The following NBEA variants were observed in gnomAD, a reference collection of about 807,000 sequenced individuals.
NBEA encodes the protein neurobeachin, also known as lysosomal-trafficking regulator 2.
In NBEA, 44 loss-of-function variants were observed where a neutral mutation model predicts 343.4. The ratio of observed to expected loss-of-function variants is 0.13; its 90% CI spans 0.10 to 0.16. The LOEUF is 0.16. NBEA is among the 10% of genes least tolerant of loss of function. The pLI is 1.00. For missense variants in NBEA, 2,555 were observed against 3,631.3 expected (o/e 0.70, Z 7.62); for synonymous variants, 1,175 against 1,238.7 (o/e 0.95, Z 1.08).
chr13:35,526,233 C>G (rs1453631864), intron 41 of NBEA, among the ~76,000 whole-genome samples: 1 of 152,158 alleles, frequency 6.6e-6, no homozygotes, highest in Non-Finnish European at 1.5e-5. Flanking sequence ...AATTATTTTG[C>G]TATGAAACGG....
intron 46 of NBEA, among the ~76,000 whole-genome samples, chr13:35,587,665 C>T (rs961772200): frequency 6.6e-6 from 1 of 152,200 alleles, no homozygotes; most frequent in South Asian, 2.1e-4. Flanking sequence ...GCCAGATTTA[C>T]AAGACTTCTT....
chr13:35,531,876 C>T (rs1594898128), intron 41 of NBEA, among the ~76,000 whole-genome samples: 1 of 152,206 alleles, frequency 6.6e-6, no homozygotes, highest in East Asian at 1.9e-4. Context: ...TGGAACATCT[C>T]ACTTCTTTTT....
intron 38 of NBEA, among the ~76,000 whole-genome samples, chr13:35,361,433 A>G (rs1234346150): frequency 1.3e-5 from 2 of 152,130 alleles, no homozygotes; most frequent in Admixed American, 6.6e-5. Flanking sequence ...AAGGCAATGT[A>G]GTGGAGAAAT....
chr13:34,999,678 CA>C (rs1313494546), intron 1 of NBEA, among the ~76,000 whole-genome samples: 2 of 151,868 alleles, frequency 1.3e-5, no homozygotes, highest in African/African-American at 4.8e-5. Context: ...TTTTTTGACT[CA>C]GCCTTATGGG....
intron 46 of NBEA, among the ~76,000 whole-genome samples, chr13:35,586,057 TAATC>T (rs1448440646): frequency 3.9e-5 from 6 of 152,204 alleles, no homozygotes; most frequent in East Asian, 1.9e-4. Flanking sequence ...TTAAATCTCT[TAATC>T]AATAATTTTT....
At chr13:35,394,642 T>A (rs1594467664) in intron 38 of NBEA, among the ~76,000 whole-genome samples, 1 of 152,234 alleles carries the variant, frequency 6.6e-6, no homozygotes, top group East Asian at 1.9e-4. Flanking sequence ...AACATATGCA[T>A]ATATACAAAC....
intron 33 of NBEA, among the ~76,000 whole-genome samples, chr13:35,213,459 A>T (rs973596331): frequency 1.1e-4 from 16 of 152,082 alleles, no homozygotes; most frequent in African/African-American, 3.9e-4. Flanking sequence ...ATTTAGAATT[A>T]GTTTGTCAGT....
intron 40 of NBEA, among the ~76,000 whole-genome samples, chr13:35,467,439 T>C (rs1273845653): frequency 6.6e-6 from 1 of 151,278 alleles, no homozygotes; most frequent in East Asian, 1.9e-4. Flanking sequence ...GCCACTGCAC[T>C]CCAGCCTGGG....
At chr13:35,359,330 A>G (rs951884341) in intron 38 of NBEA, among the ~76,000 whole-genome samples, 3 of 152,130 alleles carry the variant, frequency 2.0e-5, no homozygotes, top group African/African-American at 7.2e-5. Flanking sequence ...CTGTATTGAA[A>G]TTAACTGTGA....
At chr13:35,228,133 T>G (rs1182899525) in intron 33 of NBEA, among the ~76,000 whole-genome samples, 2 of 152,090 alleles carry the variant, frequency 1.3e-5, no homozygotes, top group East Asian at 3.9e-4. Context: ...GAATTAAGTG[T>G]GAATGAGACT....
intron 17 of NBEA, among the ~76,000 whole-genome samples, chr13:35,135,919 C>T (rs186573233): frequency 6.6e-6 from 1 of 151,748 alleles, no homozygotes; most frequent in South Asian, 2.1e-4. Context: ...CCCCCTCCCC[C>T]CTCAAAAAAA....
At chr13:35,144,191 T>C (rs1469634844) in intron 18 of NBEA, among the ~76,000 whole-genome samples, 1 of 152,118 alleles carries the variant, frequency 6.6e-6, no homozygotes, top group Non-Finnish European at 1.5e-5. Context: ...GGAGTGTGGG[T>C]ATACTTAAGA....
At chr13:35,085,928 A>G (rs1366100272) in intron 10 of NBEA, among the ~76,000 whole-genome samples, 1 of 152,142 alleles carries the variant, frequency 6.6e-6, no homozygotes, top group East Asian at 1.9e-4. Context: ...AAGCATTCTT[A>G]TACACCAATA....
rs539856655 is a variant in NBEA, at chr13:35,200,344, T to C, written c.5366+4042T>C. 1.2e-4 allele frequency among the ~76,000 whole-genome samples: 18 copies of C among 151,800 alleles called. No homozygotes were observed. The East Asian group carries it at 3.5e-3, about 29-fold the overall frequency. On this transcript the variant is annotated intron_variant, in intron 31 of 58. Transcript: ENST00000379939. ...CTTTTAAACTAAAAATTTAATCTTA[T>C]ATATCTGCATGCTTTTTATCTTTTG...
At chr13:35,570,378 T>C (rs1269590167) in intron 45 of NBEA, among the ~76,000 whole-genome samples, 1 of 152,220 alleles carries the variant, frequency 6.6e-6, no homozygotes, top group Non-Finnish European at 1.5e-5. Context: ...GTATTTCCTT[T>C]GGCAGAGCTT....
At chr13:35,405,937 TTTAAA>T (rs2043245758) in intron 38 of NBEA, among the ~76,000 whole-genome samples, 1 of 152,136 alleles carries the variant, frequency 6.6e-6, no homozygotes, top group Non-Finnish European at 1.5e-5. Flanking sequence ...CTAAGATTGC[TTTAAA>T]TTGAGAGTCT....
chr13:35,003,127 A>G (rs966520320), intron 1 of NBEA, among the ~76,000 whole-genome samples: 1 of 152,188 alleles, frequency 6.6e-6, no homozygotes. Context: ...AACAGAAAAC[A>G]TAAAGATGGT....
At position 35,672,225 on chromosome 13, in the gene NBEA, G is replaced by A. The variant is rs1239691004; in HGVS notation, c.*1234G>A. 2.0e-5 allele frequency: 3 copies of A among 152,518 alleles called. No individual in the cohort carries two copies. Among genetic ancestry groups the A allele is most frequent in the Non-Finnish European group, 4.4e-5 (3 of 68,028 alleles). The allele number at this position is 152,518 out of a possible 1,614,324, so 9.4% of individuals were successfully genotyped here. On this transcript the variant is annotated 3_prime_UTR_variant, in exon 59 of 59. Transcript: ENST00000379939. The stretch of plus-strand genomic sequence containing the variant: ...TCTTTGTATATTTGGTGACTGTATC[G>A]TCATAGATGTACATATTGTGTCGGT...
At chr13:35,426,494 A>G (rs1043612870) in intron 38 of NBEA, among the ~76,000 whole-genome samples, 1 of 152,174 alleles carries the variant, frequency 6.6e-6, no homozygotes, top group Non-Finnish European at 1.5e-5. Context: ...TCTGGCTTGT[A>G]GAGTTTCTGC....
Sources: gnomAD v4.1 joint callset for allele counts (sites outside exome capture counted in the v4.1 genomes callset) on GRCh38, gnomAD v4.1.1 for gene constraint, MANE v1.5 for transcripts, NCBI Gene and HGNC (gene_info 2026-07-23, HGNC 2026-07-21) for gene names.